Variants in STARD9 observed in about 807,000 individuals in gnomAD.
The protein encoded by STARD9 is StAR related lipid transfer domain containing 9, also known as stAR-related lipid transfer protein 9.
STARD9 carries 346 observed loss-of-function variants against 399.8 expected under a neutral mutation model. The observed-to-expected ratio is 0.87, with a 90% CI of 0.79 to 0.95. The LOEUF (loss-of-function observed/expected upper bound fraction) is 0.95, where lower values mean the gene tolerates loss of function less well. STARD9 is among the 40% of genes least tolerant of loss of function. The pLI is 0.00. For synonymous variants in STARD9, 2,203 were observed against 2,143.5 expected, an observed-to-expected ratio of 1.03 and a Z score of -0.77; for missense variants, 5,832 against 5,667.5, an observed-to-expected ratio of 1.03 and a Z score of -0.93.
chr15:42,658,286 C>A (rs2059916555), intron 9 of STARD9, among the ~76,000 whole-genome samples: 1 of 64,602 alleles, frequency 1.5e-5, no homozygotes, highest in Admixed American at 1.6e-4. Flanking sequence ...CTGGGACTTA[C>A]AGGTGTGTGT....
Position 42,684,276 on chromosome 15 carries a change from C to T in STARD9, c.2698C>T (p.His900Tyr), listed in dbSNP as rs779320621. The T allele has an allele frequency of 6.5e-7, 1 of 1,537,244 alleles. No homozygotes were observed. Among genetic ancestry groups the T allele is most frequent in the South Asian group, 1.2e-5 (1 of 84,062 alleles). The change falls in exon 23 of 33, where the codon CAT (histidine) becomes TAT (tyrosine). Residue 900 changes from histidine to tyrosine, a missense_variant. This residue lies in a region of STARD9 where 5,828 missense variants were observed against 5,651.1 expected (regional missense o/e 1.03). Transcript: ENST00000290607. Reference sequence around the variant, plus strand: ...CAAGAACGGCCTGCATTCCTCAGGTCATGGGCAGCCCTGCACAGCCAGAGC... The same window carrying T: ...CAAGAACGGCCTGCATTCCTCAGGTTATGGGCAGCCCTGCACAGCCAGAGC... ...LRKNGLHSSGHGQPCTARAAL... is the reference protein window; with the variant it reads ...LRKNGLHSSGYGQPCTARAAL...
chr15:42,606,000 C>T (rs2141778705), intron 3 of STARD9, among the ~76,000 whole-genome samples: 1 of 152,176 alleles, frequency 6.6e-6, no homozygotes, highest in South Asian at 2.1e-4. Flanking sequence ...GGAAACATTC[C>T]CATGGAGTTT....
In STARD9 at chr15:42,662,909, A is replaced by ATGGGAG; in HGVS notation, c.868+25_868+30dup. 6.7e-7 allele frequency: 1 copy of ATGGGAG among 1,482,736 alleles called. No homozygotes were observed. The highest frequency in any genetic ancestry group is 9.1e-7 in the Non-Finnish European group (1 of 1,097,192). 91.8% of individuals were successfully genotyped at this position (1,482,736 alleles called of 1,614,324 possible). On this transcript the variant is annotated intron_variant, in intron 11 of 32. Transcript: ENST00000290607. ...CACCTTAGGTATTTTCTGATAGATA[A>ATGGGAG]TGGGAGTGGGAGGGAGAGTTCGGAA...
intron 3 of STARD9, among the ~76,000 whole-genome samples, chr15:42,605,506 T>G (rs2058708649): frequency 6.6e-6 from 1 of 152,158 alleles, no homozygotes; most frequent in African/African-American, 2.4e-5. Flanking sequence ...GCCCATAAGA[T>G]CACCATCTGT....
chr15:42,639,270 T>C (rs145872164), intron 7 of STARD9, among the ~76,000 whole-genome samples: 1 of 152,126 alleles, frequency 6.6e-6, no homozygotes, highest in East Asian at 1.9e-4. Context: ...AAGGGGCCAG[T>C]GTGGCTAAAG....
intron 4 of STARD9, among the ~76,000 whole-genome samples, chr15:42,635,353 G>A (rs370493452): frequency 1.3e-5 from 2 of 151,772 alleles, no homozygotes; most frequent in South Asian, 2.1e-4. Context: ...TTTTTGAGAC[G>A]CAGTCTTGCT....
At chr15:42,644,564 C>G (rs1005940350) in intron 7 of STARD9, among the ~76,000 whole-genome samples, 7 of 152,026 alleles carry the variant, frequency 4.6e-5, no homozygotes, top group Admixed American at 6.6e-5. Flanking sequence ...GTTACCTGAG[C>G]CTTCAGTGAG....
rs1353365759 is a variant in STARD9 at position 42,686,284 on chromosome 15, A to G, written c.4706A>G (p.Lys1569Arg). 2.0e-6 allele frequency: 3 copies of G among 1,537,554 alleles called. No individual in the cohort carries two copies. Among genetic ancestry groups the G allele is most frequent in the East Asian group, 4.9e-5 (2 of 40,936 alleles). ...AAAGAACAGGACAGTTTAAATGCCA[A>G]ATTAGAAGGTGTTTCAGATTTCTTT... Reference protein sequence around the residue: ...AEKEQDSLNAKLEGVSDFFST... With the variant: ...AEKEQDSLNARLEGVSDFFST... Residue 1569 changes from lysine to arginine, a missense_variant, in exon 23 of 33, where the codon AAA becomes AGA. Physicochemically the swap from Lys to Arg is conservative, Grantham distance 26 (BLOSUM62 2). Coordinates refer to ENST00000290607, the MANE Select transcript of STARD9 (RefSeq NM_020759.3).
intron 13 of STARD9, 107 bp downstream of exon 13, chr15:42,664,024 A>T (rs2060041342): frequency 1.9e-5 from 14 of 723,718 alleles, no homozygotes; most frequent in South Asian, 1.3e-4. Flanking sequence ...AACTTTCCAG[A>T]CTTGTCCTCC....
intron 3 of STARD9, among the ~76,000 whole-genome samples, chr15:42,625,440 C>T (rs1054159692): frequency 5.9e-5 from 9 of 151,940 alleles, no homozygotes; most frequent in Admixed American, 4.6e-4. Flanking sequence ...AAGCAGTTCT[C>T]TTGTCTCAGC....
At chr15:42,643,518 CAG>C (rs942805947) in intron 7 of STARD9, among the ~76,000 whole-genome samples, 12 of 151,732 alleles carry the variant, frequency 7.9e-5, no homozygotes, top group African/African-American at 2.7e-4. Context: ...TAAAAAAAAA[CAG>C]AGTCTCGCTC....
intron 7 of STARD9, among the ~76,000 whole-genome samples, chr15:42,639,699 C>A (rs1358128821): frequency 6.6e-6 from 1 of 151,914 alleles, no homozygotes; most frequent in Non-Finnish European, 1.5e-5. Flanking sequence ...CTTATCTCTA[C>A]TAAAAATACA....
chr15:42,650,217 A>T (rs182610587), intron 7 of STARD9, among the ~76,000 whole-genome samples: 2 of 151,944 alleles, frequency 1.3e-5, no homozygotes, highest in East Asian at 3.9e-4. Context: ...TCTTTCTTGG[A>T]TTGCTTTCTA....
rs1257086799 is a variant in STARD9, at chr15:42,575,679, C to T, written c.-37C>T. 2 of 1,535,496 alleles carry T rather than the reference C, an allele frequency of 1.3e-6. No homozygotes were observed. Among genetic ancestry groups the T allele is most frequent in the Admixed American group, 3.9e-5 (2 of 50,998 alleles). ...AGGGCGGGGGCCTGGGATGCTGCCG[C>T]TGAGCTGACCCGCTGGACTTGGGTT... is the stretch of plus-strand genomic sequence containing the variant. On this transcript the variant is annotated 5_prime_UTR_variant, in exon 1 of 33. Coordinates refer to ENST00000290607, the MANE Select transcript of STARD9 (RefSeq NM_020759.3).
At chr15:42,625,692 T>A (rs1273740742) in intron 3 of STARD9, among the ~76,000 whole-genome samples, 2 of 146,446 alleles carry the variant, frequency 1.4e-5, no homozygotes, top group African/African-American at 2.5e-5. Context: ...AATGAAGAAC[T>A]TCTTTTCTGT....
At chr15:42,702,121 C>G (rs1458743873) in intron 26 of STARD9, among the ~76,000 whole-genome samples, 1 of 151,844 alleles carries the variant, frequency 6.6e-6, no homozygotes, top group East Asian at 1.9e-4. Context: ...TAAACAGAAA[C>G]CAGCCCTTTC....
rs1372549489 is a variant in STARD9 at position 42,694,652 on chromosome 15, T to TG, written c.12892dup (p.Asp4298GlyfsTer3). The TG allele has an allele frequency of 1.3e-6, 2 of 1,537,162 alleles. No homozygotes were observed. The highest frequency in any genetic ancestry group is 1.7e-6 in the Non-Finnish European group (2 of 1,146,876). ...CCTGCCCAACAAAGATCTCTTCATCTGGGATCTTGACTTGCCCAGCAGACG... is the reference window on the plus strand; with the variant it reads ...CCTGCCCAACAAAGATCTCTTCATCTGGGGATCTTGACTTGCCCAGCAGACG... On this transcript the variant is annotated frameshift_variant, in exon 24 of 33. Coordinates refer to ENST00000290607, the MANE Select transcript of STARD9 (RefSeq NM_020759.3). LOFTEE classifies it high-confidence loss of function.
At chr15:42,706,275 T>G (rs888799298) in intron 26 of STARD9, among the ~76,000 whole-genome samples, 4 of 152,194 alleles carry the variant, frequency 2.6e-5, no homozygotes, top group East Asian at 3.8e-4. Flanking sequence ...TATTTCTAAG[T>G]ATTTTAAGTT....
At chr15:42,695,671 G>A (rs987883322) in intron 25 of STARD9, 72 bp from the exon 26 acceptor site, 3 of 1,483,048 alleles carry the variant, frequency 2.0e-6, no homozygotes, top group Admixed American at 4.2e-5. Context: ...GTGGCTTTGG[G>A]TAGGAAAAGG....
Sources: gnomAD v4.1 joint callset for allele counts (sites outside exome capture counted in the v4.1 genomes callset) on GRCh38, gnomAD v4.1.1 for gene constraint, gnomAD v4.1.1 regional missense constraint, MANE v1.5 for transcripts, NCBI Gene and HGNC (gene_info 2026-07-23, HGNC 2026-07-21) for gene names.